TECPR1: variants seen among roughly 807,000 people sequenced by gnomAD.
TECPR1 encodes the protein tectonin beta-propeller repeat containing 1.
Under a neutral mutation model 162.4 loss-of-function variants are expected in TECPR1, and 122 were observed. That is an observed-to-expected ratio of 0.75 (90% CI 0.65 to 0.87). TECPR1 has a LOEUF of 0.87. TECPR1 is among the 40% of genes least tolerant of loss of function. The probability of loss-of-function intolerance (pLI) is 0.00; values close to 1 mark genes in which losing one functional copy is unlikely to be tolerated. For missense variants in TECPR1, 1,432 were observed against 1,618.2 expected (o/e 0.88, Z 1.97); for synonymous variants, 642 against 670.6 (o/e 0.96, Z 0.66).
At chr7:98,249,334 T>A (rs748298892) in intron 2 of TECPR1, among the ~76,000 whole-genome samples, 8 of 152,084 alleles carry the variant, frequency 5.3e-5, no homozygotes, top group Non-Finnish European at 1.0e-4. Context: ...GGAGGGAGAC[T>A]GCCCAGCAGA....
chr7:98,227,934 G>C (rs1008536078), intron 17 of TECPR1, 80 bp downstream of exon 17: 7 of 1,157,494 alleles, frequency 6.0e-6, no homozygotes, highest in Non-Finnish European at 8.9e-6. Context: ...TCCACGCTAC[G>C]GTGGATGTTG....
intron 23 of TECPR1, among the ~76,000 whole-genome samples, chr7:98,218,994 C>G (rs111830069): frequency 1.3e-5 from 2 of 152,176 alleles, no homozygotes; most frequent in African/African-American, 4.8e-5. Flanking sequence ...AATTATACTA[C>G]AAGCCTACAG....
In TECPR1 at chr7:98,214,693, A is replaced by G. The variant is rs1217603005; in HGVS notation, c.*2697T>C. 6.6e-6 allele frequency: 1 copy of G among 152,302 alleles called. No homozygotes were observed. The highest frequency in any genetic ancestry group is 1.5e-5 in the Non-Finnish European group (1 of 68,100). The allele number at this position is 152,302 out of a possible 1,614,324, so 9.4% of individuals were successfully genotyped here. On this transcript the variant is annotated 3_prime_UTR_variant, in exon 26 of 26. Transcript: ENST00000447648. ...ACCGACGAGCTGAGCCTGAAAGCCCAGAAGAGCCTCGGTCCAGAAGACGGA... is the reference window on the plus strand; with the variant it reads ...ACCGACGAGCTGAGCCTGAAAGCCCGGAAGAGCCTCGGTCCAGAAGACGGA...
rs1229048616 is a variant in TECPR1 at position 98,215,042 on chromosome 7, A to C, written c.*2348T>G. The C allele has an allele frequency of 6.6e-6, 1 of 152,322 alleles. No individual in the cohort carries two copies. Among genetic ancestry groups the C allele is most frequent in the Non-Finnish European group, 1.5e-5 (1 of 68,096 alleles). 9.4% of individuals were successfully genotyped at this position (152,322 alleles called of 1,614,324 possible). On this transcript the variant is annotated 3_prime_UTR_variant, in exon 26 of 26. Transcript: ENST00000447648. The stretch of plus-strand genomic sequence containing the variant: ...GGCCCTCCTCTTGGACCCCAAGGCC[A>C]GGCCGGATCCTTTTATCCCGTGGGG...
At chr7:98,237,522 G>A (rs1798633586) in intron 9 of TECPR1, among the ~76,000 whole-genome samples, 1 of 152,166 alleles carries the variant, frequency 6.6e-6, no homozygotes, top group Admixed American at 6.5e-5. Context: ...AGGCTGGAGT[G>A]CAGTGGCGTG....
chr7:98,225,050 A>C lies in TECPR1; in HGVS notation c.2566T>G (p.Cys856Gly). The change falls in exon 18 of 26, where the codon TGC becomes GGC. Residue 856 changes from cysteine to glycine, a missense_variant. Physicochemically the swap from Cys to Gly is radical, Grantham distance 159. Coordinates refer to ENST00000447648, the MANE Select transcript of TECPR1 (RefSeq NM_015395.3). ...GGGGGCTTCGTGCCAGCCTTCGTGC[A>C]CTCCTGCAGCCCCGAGGCATCGCTC... is the stretch of plus-strand genomic sequence containing the variant. ...MWSDASGLQECTKAGTKPPSL... is the reference protein window; with the variant it reads ...MWSDASGLQEGTKAGTKPPSL... 1 of 1,562,240 alleles carries C rather than the reference A, an allele frequency of 6.4e-7. No homozygotes were observed. Among genetic ancestry groups the C allele is most frequent in the Non-Finnish European group, 8.7e-7 (1 of 1,155,846 alleles).
intron 22 of TECPR1, 21 bp downstream of exon 22, chr7:98,222,365 C>A (rs758201234): frequency 6.2e-7 from 1 of 1,603,846 alleles, no homozygotes; most frequent in Non-Finnish European, 8.5e-7. Flanking sequence ...ACTGCAGGGG[C>A]TCCTGGGGCG....
rs1359233166 is a variant in TECPR1, at chr7:98,216,777, CT to C, written c.*612del. 1 of 151,582 alleles carries C rather than the reference CT, an allele frequency of 6.6e-6. No homozygotes were observed. The highest frequency in any genetic ancestry group is 1.5e-5 in the Non-Finnish European group (1 of 67,992). 9.4% of individuals were successfully genotyped at this position (151,582 alleles called of 1,614,324 possible). On this transcript the variant is annotated 3_prime_UTR_variant, in exon 26 of 26. Transcript: ENST00000447648. ...ATGGGGTTTCACCATGTTGGCCCGT[CT>C]GGTTTGAAACTCTTGACCTAGGTGA...
Position 98,231,343 on chromosome 7 carries a change from C to A in TECPR1, c.2005G>T (p.Ala669Ser). The A allele has an allele frequency of 6.2e-7, 1 of 1,608,984 alleles. No homozygotes were observed. Residue 669 changes from alanine (A) to serine (S), a missense_variant, in exon 14 of 26, where the codon GCG becomes TCG. By Grantham distance (99) the Ala-to-Ser change is moderately conservative (BLOSUM62 1). Coordinates refer to ENST00000447648, the MANE Select transcript of TECPR1 (RefSeq NM_015395.3). ...YIHIFLNEVV[A>S]LVPVLNETKH... Reference sequence around the variant, plus strand: ...GTCTCGTTCAGCACTGGGACCAGCGCCACCACCTCATTCAGGAATATGTGG... The same window carrying A: ...GTCTCGTTCAGCACTGGGACCAGCGACACCACCTCATTCAGGAATATGTGG...
Position 98,243,326 on chromosome 7 carries a change from G to A in TECPR1, c.657+141C>T, listed in dbSNP as rs1323764232. The A allele has an allele frequency of 6.9e-5, 82 of 1,192,040 alleles. 2 individuals carry two copies. The highest frequency in any genetic ancestry group is 3.9e-4 in the South Asian group (26 of 66,222). The allele number at this position is 1,192,040 out of a possible 1,614,324, so 73.8% of individuals were successfully genotyped here. A position where few individuals can be genotyped will look rare whatever the true frequency, so the allele number is the denominator to read the frequency against. Reference sequence around the variant, plus strand: ...GCACTGATCAGCACGCTGGGGGCTCGGAGGAGAGAAAGGCCAGGAGCAGGC... The same window carrying A: ...GCACTGATCAGCACGCTGGGGGCTCAGAGGAGAGAAAGGCCAGGAGCAGGC... On this transcript the variant is annotated intron_variant, in intron 6 of 25. Transcript: ENST00000447648.
At position 98,223,068 on chromosome 7, in the gene TECPR1, C is replaced by T. The variant is rs1311325189; in HGVS notation, c.2850G>A (p.Gly950=). 3.1e-6 allele frequency: 5 copies of T among 1,606,372 alleles called. No individual in the cohort carries two copies. Among genetic ancestry groups the T allele is most frequent in the Non-Finnish European group, 4.2e-6 (5 of 1,177,156 alleles). Residue 950 remains glycine, a synonymous_variant, in exon 21 of 26, where the codon GGG becomes GGA. Transcript: ENST00000447648. ...TGACGGCCCAGAGGGCGATGCTGTG[C>T]CCACTCCCCTCGGCACCCGGGCTCT... The part of the protein sequence containing the change: ...IPESPGAEGS[G]HSIALWAVSD...
At chr7:98,243,678 G>T in intron 5 of TECPR1, 86 bp from the exon 6 acceptor site, 1 of 1,496,320 alleles carries the variant, frequency 6.7e-7, no homozygotes, top group Non-Finnish European at 9.0e-7. Flanking sequence ...CTGCCATCCG[G>T]ACTTCCATTC....
chr7:98,222,952 C>G (rs1171968334), intron 21 of TECPR1, 38 bp downstream of exon 21: 2 of 1,604,862 alleles, frequency 1.2e-6, no homozygotes, highest in East Asian at 2.2e-5. Flanking sequence ...GAGCAAAGGT[C>G]TCATTTCAAG....
chr7:98,238,474 C>T (rs1166341976), intron 9 of TECPR1, 35 bp downstream of exon 9: 2 of 1,529,488 alleles, frequency 1.3e-6, no homozygotes, highest in Admixed American at 2.0e-5. Flanking sequence ...TTCTGAGACC[C>T]CTGCTGTTTA....
intron 2 of TECPR1, among the ~76,000 whole-genome samples, chr7:98,250,433 G>A (rs1459293533): frequency 6.6e-6 from 1 of 151,916 alleles, no homozygotes; most frequent in Non-Finnish European, 1.5e-5. Flanking sequence ...TTCAAAACCA[G>A]CCTAAGCAAC....
At chr7:98,233,167 C>CGCTA in intron 11 of TECPR1, 195 bp from the exon 12 acceptor site, 1 of 799,380 alleles carries the variant, frequency 1.3e-6, no homozygotes, top group Non-Finnish European at 1.9e-6. Flanking sequence ...CAGCCACCAC[C>CGCTA]GCTAGCACAG....
In TECPR1 at chr7:98,231,883, G is replaced by T; in HGVS notation, c.1895C>A (p.Ala632Asp). 1 of 1,612,188 alleles carries T rather than the reference G, an allele frequency of 6.2e-7. No homozygotes were observed. The change falls in exon 13 of 26, where the codon GCC becomes GAC. Residue 632 changes from alanine to aspartate, a missense_variant. Transcript: ENST00000447648. The part of the protein sequence containing the change: ...KPHKWVDVRL[A>D]LEQFTGHDGV... ...GTCGTGCCCCGTGAACTGCTCCAGG[G>T]CCAAGCGCACGTCCACCCACTTGTG... is the stretch of plus-strand genomic sequence containing the variant.
intron 23 of TECPR1, among the ~76,000 whole-genome samples, chr7:98,220,250 A>G (rs886154178): frequency 2.6e-5 from 4 of 151,800 alleles, no homozygotes; most frequent in Non-Finnish European, 4.4e-5. Flanking sequence ...AGGCTGAGAC[A>G]GAAGAATCGC....
intron 15 of TECPR1, among the ~76,000 whole-genome samples, chr7:98,229,992 C>CTT (rs762228240): frequency 3.6e-5 from 5 of 139,690 alleles, no homozygotes; most frequent in African/African-American, 7.8e-5. Flanking sequence ...CCCTTTGTGG[C>CTT]TTTTTTTTTT....
Sources: gnomAD v4.1 joint callset for allele counts (sites outside exome capture counted in the v4.1 genomes callset) on GRCh38, gnomAD v4.1.1 for gene constraint, MANE v1.5 for transcripts, NCBI Gene and HGNC (gene_info 2026-07-23, HGNC 2026-07-21) for gene names.